THRB: variants seen among roughly 807,000 people sequenced by gnomAD.
THRB encodes nuclear receptor subfamily 1 group A member 2.
A neutral mutation model predicts 47.8 loss-of-function variants in THRB; 12 were observed. The ratio of observed to expected loss-of-function variants is 0.25; its 90% CI spans 0.16 to 0.41. The LOEUF (loss-of-function observed/expected upper bound fraction) is 0.41, where lower values mean the gene tolerates loss of function less well. Ranked by LOEUF, THRB falls within the 10% of genes least tolerant of loss-of-function variation. The pLI, the probability that THRB is intolerant of heterozygous loss-of-function variation, is 1.00. For missense variants in THRB, 348 were observed against 589.2 expected (o/e 0.59, Z 4.24); for synonymous variants, 218 against 212.2 (o/e 1.03, Z -0.24).
chr3:24,346,753 G>A (rs1176452871), intron 1 of THRB, among the ~76,000 whole-genome samples: 5 of 151,950 alleles, frequency 3.3e-5, no homozygotes, highest in Non-Finnish European at 5.9e-5. Context: ...AATGTACCTA[G>A]TTATTAAGCC....
chr3:24,299,785 A>C (rs199549197), intron 2 of THRB, among the ~76,000 whole-genome samples: 1 of 62,918 alleles, frequency 1.6e-5, no homozygotes, highest in African/African-American at 7.6e-5. Flanking sequence ...TTATTTATTT[A>C]TTTATTTTTT....
intron 7 of THRB, chr3:24,144,086 GTTT>G: frequency 3.8e-6 from 1 of 262,816 alleles, no homozygotes; most frequent in Non-Finnish European, 7.4e-6. Flanking sequence ...CACTCTCTGG[GTTT>G]CTGTCCTCCC....
At chr3:24,243,001 C>T (rs561662301) in intron 3 of THRB, among the ~76,000 whole-genome samples, 3 of 142,066 alleles carry the variant, frequency 2.1e-5, no homozygotes, top group African/African-American at 7.9e-5. Flanking sequence ...ATCAGGGGGA[C>T]TACTTAGTGC....
In THRB at chr3:24,290,850, A is replaced by G. The variant is rs533768984; in HGVS notation, c.-43+6376T>C. Among the ~76,000 whole-genome samples the G allele has an allele frequency of 6.6e-5, 10 of 152,312 alleles. No individual in the cohort carries two copies. The South Asian group carries it at 2.1e-3, about 32-fold the overall frequency. On this transcript the variant is annotated intron_variant, in intron 3 of 10. Coordinates refer to ENST00000646209, the MANE Select transcript of THRB (RefSeq NM_001354712.2). The stretch of plus-strand genomic sequence containing the variant: ...TGCTCTGCCAGGCATGAAATAAAAT[A>G]CCTTAAAATAATTCTTGGAATTTTC...
At chr3:24,233,556 A>G (rs1031431114) in intron 3 of THRB, among the ~76,000 whole-genome samples, 1 of 32,130 alleles carries the variant, frequency 3.1e-5, no homozygotes, top group Non-Finnish European at 7.6e-5. Flanking sequence ...AAAGAAAGAA[A>G]AAGGAAGAAA....
intron 1 of THRB, among the ~76,000 whole-genome samples, chr3:24,350,210 T>A (rs2063282211): frequency 6.6e-6 from 1 of 152,084 alleles, no homozygotes; most frequent in Admixed American, 6.6e-5. Flanking sequence ...TTAAAAATAC[T>A]GCCAATACCT....
intron 10 of THRB, among the ~76,000 whole-genome samples, chr3:24,124,015 G>C (rs150645508): frequency 6.6e-6 from 1 of 152,152 alleles, no homozygotes; most frequent in Admixed American, 6.5e-5. Flanking sequence ...CTATAAACCC[G>C]GATGAATTCC....
chr3:24,243,148 A>G lies in THRB; in HGVS notation c.-42-14147T>C, dbSNP rs116376473. 8.4e-3 allele frequency among the ~76,000 whole-genome samples: 1,258 copies of G among 150,266 alleles called. 23 individuals carry two copies. Among genetic ancestry groups the G allele is most frequent in the African/African-American group, 0.029 (1,179 of 40,802 alleles). ...AATTAGTGTCTGTAGCTCAGGCCTC[A>G]GTTTGTAAAGCAGCGTGGGTGATTC... On this transcript the variant is annotated intron_variant, in intron 3 of 10. Coordinates refer to ENST00000646209, the MANE Select transcript of THRB (RefSeq NM_001354712.2).
At chr3:24,421,432 G>T (rs1469617672) in intron 1 of THRB, among the ~76,000 whole-genome samples, 1 of 151,736 alleles carries the variant, frequency 6.6e-6, no homozygotes, top group Admixed American at 6.6e-5. Context: ...CTCTGGTGTA[G>T]GTGAAAAGAG....
intron 3 of THRB, among the ~76,000 whole-genome samples, chr3:24,230,240 G>C (rs2048115846): frequency 6.6e-6 from 1 of 152,194 alleles, no homozygotes; most frequent in Admixed American, 6.5e-5. Context: ...GTCCCATTCT[G>C]TGGAAATTAC....
At chr3:24,197,424 ATC>A (rs1177279224) in intron 4 of THRB, among the ~76,000 whole-genome samples, 3 of 152,162 alleles carry the variant, frequency 2.0e-5, no homozygotes, top group African/African-American at 7.2e-5. Flanking sequence ...ACCTCTTTGA[ATC>A]TCTCTCCTGA....
chr3:24,295,579 A>C (rs950964242), intron 3 of THRB, among the ~76,000 whole-genome samples: 5 of 152,172 alleles, frequency 3.3e-5, no homozygotes, highest in African/African-American at 1.2e-4. Flanking sequence ...TTTGCTTGCA[A>C]ATTTTATTTC....
intron 2 of THRB, among the ~76,000 whole-genome samples, chr3:24,318,013 G>A (rs926531173): frequency 2.0e-5 from 3 of 152,014 alleles, no homozygotes; most frequent in African/African-American, 7.2e-5. Flanking sequence ...GAGCTATGAT[G>A]GCACCACTGT....
chr3:24,137,496 T>A (rs958274246), intron 8 of THRB, among the ~76,000 whole-genome samples: 1 of 152,104 alleles, frequency 6.6e-6, no homozygotes, highest in Non-Finnish European at 1.5e-5. Flanking sequence ...TGAGAAGCAA[T>A]GTGTGGACTT....
At chr3:24,168,371 T>C (rs1391229270) in intron 5 of THRB, among the ~76,000 whole-genome samples, 1 of 152,040 alleles carries the variant, frequency 6.6e-6, no homozygotes, top group Non-Finnish European at 1.5e-5. Flanking sequence ...ATTTTCTTGA[T>C]TGCCTGCTCT....
chr3:24,494,588 A>C (rs915900509), intron 1 of THRB, 64 bp downstream of exon 1: 2 of 149,230 alleles, frequency 1.3e-5, no homozygotes, highest in African/African-American at 2.5e-5. Flanking sequence ...GGTTCTTGCG[A>C]CGCTCCGTCA....
intron 5 of THRB, among the ~76,000 whole-genome samples, chr3:24,168,722 A>G (rs188219508): frequency 3.4e-4 from 51 of 151,748 alleles, no homozygotes; most frequent in African/African-American, 1.2e-3. Flanking sequence ...GCTTCACTAC[A>G]TATTTCCCTT....
At chr3:24,474,988 A>G (rs1577856346) in intron 1 of THRB, among the ~76,000 whole-genome samples, 3 of 152,362 alleles carry the variant, frequency 2.0e-5, no homozygotes, top group Admixed American at 2.0e-4. Context: ...TGTATCATAA[A>G]TCACAAAGGA....
intron 1 of THRB, among the ~76,000 whole-genome samples, chr3:24,461,086 G>A (rs1324957590): frequency 6.6e-6 from 1 of 152,132 alleles, no homozygotes; most frequent in Non-Finnish European, 1.5e-5. Context: ...ACTCTTAAAT[G>A]GTTCTGCAAT....
Sources: gnomAD v4.1 joint callset for allele counts (sites outside exome capture counted in the v4.1 genomes callset) on GRCh38, gnomAD v4.1.1 for gene constraint, MANE v1.5 for transcripts, NCBI Gene and HGNC (gene_info 2026-07-23, HGNC 2026-07-21) for gene names.